Variants in TEX9 observed in about 807,000 individuals in gnomAD.
TEX9 encodes testis-expressed protein 9.
In TEX9, 74 loss-of-function variants were observed where a neutral mutation model predicts 59.6. That is an observed-to-expected ratio of 1.24 (90% CI 1.03 to 1.51). TEX9 has a LOEUF of 1.51. TEX9 is among the 40% of genes most tolerant of loss of function. TEX9 has a pLI of 0.00. For missense variants in TEX9, 522 were observed against 447.8 expected (o/e 1.17, Z -1.49); for synonymous variants, 186 against 152.2 (o/e 1.22, Z -1.64).
At chr15:56,432,630 C>T (rs1311057950) in intron 12 of TEX9, among the ~76,000 whole-genome samples, 5 of 152,130 alleles carry the variant, frequency 3.3e-5, no homozygotes, top group African/African-American at 1.2e-4. Context: ...AGTATCTATG[C>T]ATTAGGTGGC....
At chr15:56,277,108 T>C (rs1201930096) in intron 1 of TEX9, among the ~76,000 whole-genome samples, 7 of 152,028 alleles carry the variant, frequency 4.6e-5, no homozygotes, top group African/African-American at 1.4e-4. Flanking sequence ...TTTTCTCCCA[T>C]TCTGTAGGTT....
At chr15:56,349,753 A>G (rs1307134439) in intron 1 of TEX9, among the ~76,000 whole-genome samples, 8 of 148,686 alleles carry the variant, frequency 5.4e-5, no homozygotes, top group African/African-American at 1.9e-4. Context: ...ATGTGTGTGT[A>G]TATATATACA....
At chr15:56,443,792 T>C (rs1320687124) in intron 12 of TEX9, 1 of 1,612,888 alleles carries the variant, frequency 6.2e-7, no homozygotes, top group Non-Finnish European at 8.5e-7. Flanking sequence ...AGCCTGCTCT[T>C]TCTGAAACTC....
At chr15:56,249,914 A>G (rs1284150594) in intron 1 of TEX9, among the ~76,000 whole-genome samples, 3 of 152,154 alleles carry the variant, frequency 2.0e-5, no homozygotes, top group Non-Finnish European at 4.4e-5. Flanking sequence ...GCACAATGCC[A>G]TTAGGGAGGC....
At chr15:56,388,053 A>C (rs1302153959) in intron 4 of TEX9, among the ~76,000 whole-genome samples, 6 of 152,018 alleles carry the variant, frequency 3.9e-5, no homozygotes, top group Non-Finnish European at 7.4e-5. Flanking sequence ...ACCCTCATAG[A>C]GTTCACAATA....
At chr15:56,394,442 A>G (rs2048358146) in intron 8 of TEX9, 195 bp downstream of exon 8, 1 of 626,046 alleles carries the variant, frequency 1.6e-6, no homozygotes, top group African/African-American at 1.9e-5. Context: ...AATTCTTGCT[A>G]CAATTAGAAT....
At chr15:56,357,560 AT>A (rs1253267857) in intron 1 of TEX9, among the ~76,000 whole-genome samples, 1 of 152,006 alleles carries the variant, frequency 6.6e-6, no homozygotes, top group African/African-American at 2.4e-5. Flanking sequence ...TTGAAATCCG[AT>A]TTTTTTATAT....
chr15:56,373,426 A>G lies in TEX9; in HGVS notation c.120-15A>G, dbSNP rs1440353994. ...TTAAGATCTTCAGTATATCCCAATTATTTTCTGCTTTTAGGCGTTTAAATG... is the reference window on the plus strand; with the variant it reads ...TTAAGATCTTCAGTATATCCCAATTGTTTTCTGCTTTTAGGCGTTTAAATG... On this transcript the variant is annotated splice_polypyrimidine_tract_variant and intron_variant, in intron 2 of 12. Transcript: ENST00000352903. 5.7e-6 allele frequency: 9 copies of G among 1,588,534 alleles called. No individual in the cohort carries two copies. Among genetic ancestry groups the G allele is most frequent in the Non-Finnish European group, 7.7e-6 (9 of 1,171,624 alleles).
chr15:56,336,779 G>C (rs1203409747), intron 1 of TEX9, among the ~76,000 whole-genome samples: 1 of 152,126 alleles, frequency 6.6e-6, no homozygotes, highest in Non-Finnish European at 1.5e-5. Context: ...TCCTGAATTA[G>C]GGCAAGGGAA....
At chr15:56,389,350 G>A (rs1414651742) in exon 6 of TEX9, 2 of 1,610,914 alleles carry the variant, frequency 1.2e-6, no homozygotes, top group Non-Finnish European at 1.7e-6. Flanking sequence ...CTGTAAACAA[G>A]GTTCAAAACA....
chr15:56,407,726 T>C (rs2049147274), intron 9 of TEX9, among the ~76,000 whole-genome samples: 1 of 152,196 alleles, frequency 6.6e-6, no homozygotes, highest in Non-Finnish European at 1.5e-5. Context: ...AGTTGGTCTT[T>C]TTTCCTCAAC....
chr15:56,293,392 G>A (rs1254402481), intron 1 of TEX9, among the ~76,000 whole-genome samples: 1 of 152,056 alleles, frequency 6.6e-6, no homozygotes, highest in Non-Finnish European at 1.5e-5. Context: ...AAAATAAAAA[G>A]AAGGAAAAAA....
At chr15:56,412,484 C>T in intron 10 of TEX9, 48 bp downstream of exon 10, 2 of 1,544,958 alleles carry the variant, frequency 1.3e-6, no homozygotes, top group South Asian at 1.2e-5. Context: ...TTGGTAACTA[C>T]TTCTTTTATG....
intron 1 of TEX9, among the ~76,000 whole-genome samples, chr15:56,345,486 G>T (rs1329634173): frequency 6.6e-6 from 1 of 152,136 alleles, no homozygotes; most frequent in Non-Finnish European, 1.5e-5. Context: ...ATGGGGTCTT[G>T]CTATGTTGCC....
At chr15:56,333,028 A>G (rs529248908) in intron 1 of TEX9, among the ~76,000 whole-genome samples, 25 of 152,334 alleles carry the variant, frequency 1.6e-4, no homozygotes, top group African/African-American at 5.0e-4. Flanking sequence ...GCCATAATAA[A>G]AAGTCTCCCA....
In TEX9 at chr15:56,437,857, G is replaced by C. The variant is rs1185976654; in HGVS notation, c.*30-7814G>C. 8.0e-3 allele frequency among the ~76,000 whole-genome samples: 1,220 copies of C among 151,808 alleles called. 18 individuals carry two copies. The highest frequency in any genetic ancestry group is 0.028 in the African/African-American group (1,141 of 41,376). On this transcript the variant is annotated intron_variant, in intron 12 of 12. Coordinates refer to ENST00000352903, the Ensembl canonical transcript of TEX9. ...AGAGAGCCAAATCATGAGTGAACTC[G>C]ATTCACAATTGCTTCAAAGAGAATA...
intron 1 of TEX9, among the ~76,000 whole-genome samples, chr15:56,270,732 A>T (rs1043671595): frequency 6.6e-6 from 1 of 152,146 alleles, no homozygotes; most frequent in Non-Finnish European, 1.5e-5. Context: ...CCTAGCATTG[A>T]TGGTCTTTAC....
At chr15:56,434,389 CT>C in intron 12 of TEX9, 7 of 1,610,382 alleles carry the variant, frequency 4.3e-6, no homozygotes, top group Non-Finnish European at 5.9e-6. Flanking sequence ...TTCTTTTCTG[CT>C]TCTTCCTAAA....
chr15:56,334,280 A>G (rs1401696427), intron 1 of TEX9, among the ~76,000 whole-genome samples: 3 of 152,204 alleles, frequency 2.0e-5, no homozygotes, highest in Non-Finnish European at 4.4e-5. Context: ...TATTGTAACC[A>G]AAACGGCATG....
Sources: allele counts gnomAD v4.1 joint callset (sites outside exome capture counted in the v4.1 genomes callset), GRCh38; gene constraint gnomAD v4.1.1; transcripts MANE v1.5; gene names NCBI Gene and HGNC (gene_info 2026-07-23, HGNC 2026-07-21).